FBXO10: variants seen among roughly 807,000 people sequenced by gnomAD.
The protein encoded by FBXO10 is F-box only protein 10.
In FBXO10, 39 loss-of-function variants were observed where a neutral mutation model predicts 80.7. The ratio of observed to expected loss-of-function variants is 0.48; its 90% confidence interval spans 0.37 to 0.63. The LOEUF (loss-of-function observed/expected upper bound fraction) is 0.63, where lower values mean the gene tolerates loss of function less well. FBXO10 is among the 30% of genes least tolerant of loss of function. The pLI is 0.00. For synonymous variants in FBXO10, 449 were observed against 489.6 expected, an observed-to-expected ratio of 0.92 and a Z score of 1.09; for missense variants, 1,025 against 1,269.0, an observed-to-expected ratio of 0.81 and a Z score of 2.92.
Position 37,531,905 on chromosome 9 carries a change from G to A in FBXO10, c.1569+4C>T. The A allele has an allele frequency of 6.2e-7, 1 of 1,613,488 alleles. No individual in the cohort carries two copies. Among genetic ancestry groups the A allele is most frequent in the Non-Finnish European group, 8.5e-7 (1 of 1,179,544 alleles). ...ACCCTGAATAGGGAACGAACACAAA[G>A]TACCAGTATGAGTGGGTTGGACTTT... On this transcript the variant is annotated splice_donor_region_variant and intron_variant, in intron 4 of 10. Transcript: ENST00000432825.
At chr9:37,575,630 A>G (rs1034844400) in intron 1 of FBXO10, 1 of 152,234 alleles carries the variant, frequency 6.6e-6, no homozygotes, top group Non-Finnish European at 1.5e-5. Context: ...TGGCTCCTCA[A>G]ATGACTTTCC....
chr9:37,559,001 G>A (rs553204070), intron 1 of FBXO10, among the ~76,000 whole-genome samples: 27 of 152,194 alleles, frequency 1.8e-4, no homozygotes, highest in African/African-American at 6.3e-4. Flanking sequence ...TAGTAGAGAC[G>A]AGGTTTCACC....
At chr9:37,531,763 G>A (rs947581184) in intron 4 of FBXO10, 146 bp downstream of exon 4, 5 of 736,594 alleles carry the variant, frequency 6.8e-6, no homozygotes, top group South Asian at 1.8e-5. Context: ...GAGACACAGA[G>A]TCACAAGGAC....
intron 1 of FBXO10, 36 bp from the exon 2 acceptor site, chr9:37,541,810 C>T: frequency 6.7e-7 from 1 of 1,499,804 alleles, no homozygotes; most frequent in East Asian, 2.3e-5. Flanking sequence ...AGATTTCTGT[C>T]TATCCTACTT....
intron 1 of FBXO10, among the ~76,000 whole-genome samples, chr9:37,554,656 CTGTT>C (rs1253030535): frequency 2.6e-5 from 4 of 152,138 alleles, no homozygotes; most frequent in South Asian, 2.1e-4. Context: ...TTAGTTTTGT[CTGTT>C]CTAGAATTGC....
chr9:37,573,642 C>G (rs1432552744), intron 1 of FBXO10, among the ~76,000 whole-genome samples: 1 of 152,104 alleles, frequency 6.6e-6, no homozygotes. Context: ...CCCAGAGAGG[C>G]TGGAGAAGGA....
At chr9:37,526,095 G>C (rs903556630) in intron 5 of FBXO10, among the ~76,000 whole-genome samples, 9 of 151,772 alleles carry the variant, frequency 5.9e-5, no homozygotes, top group African/African-American at 2.2e-4. Flanking sequence ...GTGTACATGG[G>C]GCAAGCAGAA....
Position 37,567,291 on chromosome 9 carries a change from C to T in FBXO10, c.-7+8920G>A, listed in dbSNP as rs368895193. ...CTGAGTAGCTGGGACTATGGGCACA[C>T]GCTACCACACCCAGCTAAATTTTTT... On this transcript the variant is annotated intron_variant, in intron 1 of 10. Coordinates refer to ENST00000432825, the MANE Select transcript of FBXO10 (RefSeq NM_012166.3). Among the ~76,000 whole-genome samples the T allele has an allele frequency of 3.5e-3, 534 of 151,076 alleles. 4 individuals carry two copies. Among genetic ancestry groups the T allele is most frequent in the African/African-American group, 0.012 (500 of 41,122 alleles).
At chr9:37,553,723 T>C (rs1399312130) in intron 1 of FBXO10, among the ~76,000 whole-genome samples, 17 of 143,076 alleles carry the variant, frequency 1.2e-4, no homozygotes, top group Non-Finnish European at 2.5e-4. Context: ...CTGACCAACA[T>C]GGAGAAACCC....
Position 37,561,994 on chromosome 9 carries a change from G to A in FBXO10, c.-7+14217C>T, listed in dbSNP as rs546108040. Among the ~76,000 whole-genome samples, 18 of 152,260 alleles carry A rather than the reference G, an allele frequency of 1.2e-4. No homozygotes were observed. In the South Asian group the frequency reaches 1.7e-3, roughly 14 times the overall value. ...CCCTTGGCCAGTCTAACATCTCAAC[G>A]GCATGACATGGAAACACATCTGTAA... On this transcript the variant is annotated intron_variant, in intron 1 of 10. Coordinates refer to ENST00000432825, the MANE Select transcript of FBXO10 (RefSeq NM_012166.3).
chr9:37,574,343 G>A (rs777641722), intron 1 of FBXO10, among the ~76,000 whole-genome samples: 23 of 152,202 alleles, frequency 1.5e-4, no homozygotes, highest in Non-Finnish European at 3.1e-4. Flanking sequence ...CCAGAGAACG[G>A]AAACTCATGG....
chr9:37,575,725 G>C (rs1822877491), intron 1 of FBXO10: 1 of 152,220 alleles, frequency 6.6e-6, no homozygotes, highest in Admixed American at 6.5e-5. Context: ...CGTCTGAGAG[G>C]CTTGAGATTT....
At chr9:37,573,207 A>G (rs1165611563) in intron 1 of FBXO10, among the ~76,000 whole-genome samples, 5 of 152,212 alleles carry the variant, frequency 3.3e-5, no homozygotes, top group Non-Finnish European at 7.3e-5. Context: ...AACTCTGATA[A>G]GAAGTTTGAA....
chr9:37,517,433 T>C (rs2119049962), intron 9 of FBXO10, among the ~76,000 whole-genome samples: 1 of 152,010 alleles, frequency 6.6e-6, no homozygotes, highest in East Asian at 1.9e-4. Flanking sequence ...GGCTCCACAG[T>C]GAAACGGAGC....
In FBXO10 at chr9:37,541,665, T is replaced by G; in HGVS notation, c.104A>C (p.Glu35Ala). The change falls in exon 2 of 11, where the codon GAA becomes GCA. Residue 35 changes from glutamate to alanine, a missense_variant. Glu to Ala is a moderately radical substitution (Grantham distance 107). Transcript: ENST00000432825. The stretch of plus-strand genomic sequence containing the variant: ...GGTGCTGTCGAGACTGAGGATCAGT[T>G]CATACCAGGCCCTGCATACCAGGCT... ...RCSLVCRAWY[E>A]LILSLDSTRW... The G allele has an allele frequency of 6.2e-7, 1 of 1,613,870 alleles. No individual in the cohort carries two copies. The highest frequency in any genetic ancestry group is 1.3e-5 in the African/African-American group (1 of 74,996).
In FBXO10 at chr9:37,512,861, G is replaced by T. The variant is rs558664044; in HGVS notation, c.2697-140C>A. On this transcript the variant is annotated intron_variant, in intron 10 of 10. Transcript: ENST00000432825. ...GGTGTAGGTTTTATCTTCCAGTTTA[G>T]TGTTAGTCCAAAGAGGTGGGCTGTT... 9.2e-6 allele frequency: 8 copies of T among 867,496 alleles called. No individual in the cohort carries two copies. In the South Asian group the frequency reaches 1.3e-4, roughly 14 times the overall value. 53.7% of individuals were successfully genotyped at this position (867,496 alleles called of 1,614,324 possible). A position where few individuals can be genotyped will look rare whatever the true frequency, so the allele number is the denominator to read the frequency against.
intron 1 of FBXO10, among the ~76,000 whole-genome samples, chr9:37,549,041 C>T (rs1251165203): frequency 6.6e-6 from 1 of 152,200 alleles, no homozygotes; most frequent in African/African-American, 2.4e-5. Flanking sequence ...AGCCACCGCA[C>T]CTGGGGATCT....
At chr9:37,525,321 C>T in intron 5 of FBXO10, 149 bp from the exon 6 acceptor site, 2 of 696,988 alleles carry the variant, frequency 2.9e-6, no homozygotes, top group Non-Finnish European at 4.8e-6. Flanking sequence ...GTAGTCCCAG[C>T]TTCTTGGGAG....
chr9:37,553,206 T>C (rs1339206700), intron 1 of FBXO10, among the ~76,000 whole-genome samples: 1 of 151,986 alleles, frequency 6.6e-6, no homozygotes, highest in African/African-American at 2.4e-5. Context: ...CATGCCCAGC[T>C]AATTTTTGTA....
Sources: allele counts gnomAD v4.1 joint callset (sites outside exome capture counted in the v4.1 genomes callset), GRCh38; gene constraint gnomAD v4.1.1; transcripts MANE v1.5; gene names NCBI Gene and HGNC (gene_info 2026-07-23, HGNC 2026-07-21).